The following SPAST variants were observed in gnomAD, a reference collection of about 807,000 sequenced individuals.
The protein encoded by SPAST is spastic paraplegia 4 (autosomal dominant; spastin).
A neutral mutation model predicts 76.6 loss-of-function variants in SPAST; 30 were observed. The observed-to-expected ratio is 0.39, with a 90% CI of 0.29 to 0.53. SPAST has a LOEUF of 0.53. Among genes scored for constraint, SPAST ranks in the 20% least tolerant of loss-of-function variants. The pLI is 0.68. For synonymous variants in SPAST, 305 were observed against 281.0 expected (o/e 1.09, Z -0.86); for missense variants, 717 against 770.5 (o/e 0.93, Z 0.82).
At chr2:32,083,474 G>A (rs78961386) in intron 1 of SPAST, among the ~76,000 whole-genome samples, 1,521 of 151,310 alleles carry the variant, frequency 0.01, 14 homozygotes, top group African/African-American at 0.035. Context: ...CCTTTGTCTC[G>A]TAATATTTTG....
intron 1 of SPAST, among the ~76,000 whole-genome samples, chr2:32,081,516 C>G (rs562952422): frequency 1.8e-4 from 28 of 152,074 alleles, no homozygotes; most frequent in Non-Finnish European, 3.4e-4. Context: ...CCACTGAAAG[C>G]TTTGCTTATT....
intron 1 of SPAST, among the ~76,000 whole-genome samples, chr2:32,085,761 G>A (rs1308120289): frequency 6.6e-6 from 1 of 152,070 alleles, no homozygotes; most frequent in Non-Finnish European, 1.5e-5. Context: ...ATGTGGCCAG[G>A]TGCGGTGGCT....
Position 32,063,958 on chromosome 2 carries a change from G to C in SPAST, c.127G>C (p.Glu43Gln), listed in dbSNP as rs573642949. The C allele has an allele frequency of 1.2e-5, 19 of 1,608,366 alleles. No individual in the cohort carries two copies. The African/African-American group carries it at 1.7e-4, about 15-fold the overall frequency. ...CGCCGCCGGGCCGGCCCCTCCGCCC[G>C]AGTCGCCGCATAAGCGGAACCTGTA... Reference protein sequence around the residue: ...PPAAGPAPPPESPHKRNLYYF... With the variant: ...PPAAGPAPPPQSPHKRNLYYF... The change falls in exon 1 of 17, where the codon GAG becomes CAG. Residue 43 changes from glutamate to glutamine, a missense_variant. Glu to Gln is a conservative substitution (Grantham distance 29, BLOSUM62 2). This residue lies in a region of SPAST where 543 missense variants were observed against 445.2 expected (regional missense o/e 1.22). Transcript: ENST00000315285.
intron 12 of SPAST, among the ~76,000 whole-genome samples, chr2:32,139,399 C>G (rs1216878363): frequency 6.6e-6 from 1 of 152,168 alleles, no homozygotes; most frequent in South Asian, 2.1e-4. Flanking sequence ...GCTACTAGAA[C>G]TGATAAATGA....
chr2:32,073,097 T>G (rs1438749605), intron 1 of SPAST, among the ~76,000 whole-genome samples: 1 of 152,272 alleles, frequency 6.6e-6, no homozygotes, highest in Non-Finnish European at 1.5e-5. Flanking sequence ...GTTGTATTTT[T>G]CCTCATGTTG....
chr2:32,150,818 A>G (rs1412584500), intron 16 of SPAST, among the ~76,000 whole-genome samples: 2 of 152,202 alleles, frequency 1.3e-5, no homozygotes, highest in Non-Finnish European at 2.9e-5. Context: ...TTTAGATGGT[A>G]AAACTAAAAA....
At chr2:32,114,598 C>T in intron 4 of SPAST, 40 bp from the exon 5 acceptor site, 2 of 1,534,906 alleles carry the variant, frequency 1.3e-6, no homozygotes, top group Non-Finnish European at 1.8e-6. Flanking sequence ...TGTTCAGCTA[C>T]AATTTTCTAA....
chr2:32,093,193 C>T (rs1354571949), intron 3 of SPAST, among the ~76,000 whole-genome samples: 1 of 151,058 alleles, frequency 6.6e-6, no homozygotes, highest in Non-Finnish European at 1.5e-5. Context: ...CGCCTGTAGT[C>T]CCAGCTACTT....
At chr2:32,152,180 A>G (rs1680107877) in intron 16 of SPAST, among the ~76,000 whole-genome samples, 1 of 152,134 alleles carries the variant, frequency 6.6e-6, no homozygotes, top group Non-Finnish European at 1.5e-5. Flanking sequence ...TGTTGTATAC[A>G]TTAGTCTCTT....
At chr2:32,104,519 G>A (rs185272692) in intron 4 of SPAST, among the ~76,000 whole-genome samples, 3,353 of 152,160 alleles carry the variant, frequency 0.022, 105 homozygotes, top group African/African-American at 0.076. Flanking sequence ...TATTTTGCTC[G>A]TTAGTTGATG....
At chr2:32,117,884 A>G (rs1311051954) in intron 7 of SPAST, among the ~76,000 whole-genome samples, 1 of 152,174 alleles carries the variant, frequency 6.6e-6, no homozygotes, top group Non-Finnish European at 1.5e-5. Context: ...TCATCAAAGT[A>G]GATAGAGCCA....
At position 32,114,814 on chromosome 2, in the gene SPAST, A is replaced by G; in HGVS notation, c.859A>G (p.Thr287Ala). 1 of 1,613,876 alleles carries G rather than the reference A, an allele frequency of 6.2e-7. No individual in the cohort carries two copies. Among genetic ancestry groups the G allele is most frequent in the East Asian group, 2.2e-5 (1 of 44,874 alleles). Residue 287 changes from threonine to alanine, a missense_variant, in exon 5 of 17, where the codon ACC becomes GCC. By Grantham distance (58) the Thr-to-Ala change is moderately conservative. Coordinates refer to ENST00000315285, the MANE Select transcript of SPAST (RefSeq NM_014946.4). ...GAAACAGGGATCTGGTCCTGCTCCTACCACTCATAAGGTATTCTGGGACAG... is the reference window on the plus strand; with the variant it reads ...GAAACAGGGATCTGGTCCTGCTCCTGCCACTCATAAGGTATTCTGGGACAG... ...GVKQGSGPAPTTHKGTPKTNR... is the reference protein window; with the variant it reads ...GVKQGSGPAPATHKGTPKTNR...
chr2:32,073,704 T>G (rs1404088440), intron 1 of SPAST, among the ~76,000 whole-genome samples: 2 of 152,188 alleles, frequency 1.3e-5, no homozygotes, highest in Admixed American at 1.3e-4. Context: ...AGCCTTTTTT[T>G]CTCTCGTTTG....
intron 4 of SPAST, among the ~76,000 whole-genome samples, chr2:32,106,657 T>G (rs1383325309): frequency 6.6e-6 from 1 of 152,214 alleles, no homozygotes; most frequent in East Asian, 1.9e-4. Context: ...AGTAAAAGGA[T>G]TTCTATAGAC....
intron 15 of SPAST, among the ~76,000 whole-genome samples, chr2:32,146,419 G>T (rs565097762): frequency 6.6e-6 from 1 of 152,100 alleles, no homozygotes; most frequent in East Asian, 1.9e-4. Context: ...AAATTAACCA[G>T]GCCCGTTGGC....
chr2:32,096,570 A>G (rs955229533), intron 3 of SPAST, among the ~76,000 whole-genome samples: 5 of 152,252 alleles, frequency 3.3e-5, no homozygotes, highest in African/African-American at 9.6e-5. Context: ...GTTACACTGT[A>G]TGTGTCTGTT....
At chr2:32,102,355 C>T (rs1381533375) in intron 4 of SPAST, among the ~76,000 whole-genome samples, 4 of 152,156 alleles carry the variant, frequency 2.6e-5, no homozygotes, top group Admixed American at 1.3e-4. Flanking sequence ...TGCTTATCAG[C>T]TTAAGGAGAT....
intron 7 of SPAST, among the ~76,000 whole-genome samples, chr2:32,119,213 ATAT>A (rs1317771254): frequency 6.6e-6 from 1 of 152,166 alleles, no homozygotes; most frequent in African/African-American, 2.4e-5. Context: ...AAGAAAGGGA[ATAT>A]TATTGTCCTA....
intron 14 of SPAST, 73 bp downstream of exon 14, chr2:32,143,488 T>A: frequency 1.1e-6 from 1 of 912,630 alleles, no homozygotes; most frequent in Non-Finnish European, 1.7e-6. Context: ...TTTAGTTATT[T>A]AAAGTAATCT....
Sources: allele counts gnomAD v4.1 joint callset (sites outside exome capture counted in the v4.1 genomes callset), GRCh38; gene constraint gnomAD v4.1.1; regional missense constraint gnomAD v4.1.1; transcripts MANE v1.5; gene names NCBI Gene and HGNC (gene_info 2026-07-23, HGNC 2026-07-21).